Variants in KIF6 observed in about 807,000 individuals in gnomAD.
KIF6 encodes kinesin-like protein KIF6.
Under a neutral mutation model 112.7 loss-of-function variants are expected in KIF6, and 106 were observed. The observed-to-expected ratio is 0.94, with a 90% CI of 0.80 to 1.11. KIF6 has a LOEUF of 1.11. Ranked by LOEUF, KIF6 falls within the 50% of genes least tolerant of loss-of-function variation. The probability of loss-of-function intolerance (pLI) is 0.00; values close to 1 mark genes in which losing one functional copy is unlikely to be tolerated. For synonymous variants in KIF6, 339 were observed against 339.9 expected, an observed-to-expected ratio of 1.00 and a Z score of 0.03; for missense variants, 929 against 964.0, an observed-to-expected ratio of 0.96 and a Z score of 0.48.
intron 16 of KIF6, among the ~76,000 whole-genome samples, chr6:39,367,176 A>G (rs1445080019): frequency 2.0e-5 from 3 of 152,178 alleles, no homozygotes; most frequent in Non-Finnish European, 4.4e-5. Flanking sequence ...ATATGTTCTG[A>G]GGCTTGGCTC....
Position 39,412,841 on chromosome 6 carries a change from T to C in KIF6, c.1810+7107A>G, listed in dbSNP as rs527553478. Among the ~76,000 whole-genome samples the C allele has an allele frequency of 3.4e-3, 520 of 152,302 alleles. 2 individuals are homozygous for C. Among genetic ancestry groups the C allele is most frequent in the African/African-American group, 0.012 (504 of 41,550 alleles). On this transcript the variant is annotated intron_variant, in intron 15 of 22. Transcript: ENST00000287152. The stretch of plus-strand genomic sequence containing the variant: ...GTTCCTTTTTGTGGTCCAGCGTGGC[T>C]GGGTGCTGTCTCTTAGGGGGGGCTT...
chr6:39,679,504 C>T (rs1002402711), intron 3 of KIF6, among the ~76,000 whole-genome samples: 6 of 152,064 alleles, frequency 3.9e-5, no homozygotes, highest in African/African-American at 1.2e-4. Flanking sequence ...GGCTTTTGAA[C>T]ATGTCATTCT....
At chr6:39,377,850 A>C (rs1227484151) in intron 16 of KIF6, among the ~76,000 whole-genome samples, 1 of 152,026 alleles carries the variant, frequency 6.6e-6, no homozygotes, top group Non-Finnish European at 1.5e-5. Flanking sequence ...ACGTGGCATC[A>C]CAGTCGAATG....
At chr6:39,712,926 A>G (rs1375307116) in intron 3 of KIF6, among the ~76,000 whole-genome samples, 2 of 152,244 alleles carry the variant, frequency 1.3e-5, no homozygotes, top group Non-Finnish European at 2.9e-5. Flanking sequence ...CGTTGCGCAC[A>G]TGTACCCTAG....
At chr6:39,492,842 T>C (rs936436527) in intron 13 of KIF6, among the ~76,000 whole-genome samples, 18 of 152,230 alleles carry the variant, frequency 1.2e-4, no homozygotes, top group Non-Finnish European at 2.4e-4. Context: ...AGCCTGATGC[T>C]TTCTGCAAGC....
rs773386346 is a variant in KIF6 at position 39,431,102 on chromosome 6, G to A, written c.1705C>T (p.His569Tyr). ...TCATCGATGGTAACGCTGTCAGCGT[G>A]GTCCCTCTTGAAGATTTCAAAAGCC... Reference protein sequence around the residue: ...QEAFEIFKRDHADSVTIDDNK... With the variant: ...QEAFEIFKRDYADSVTIDDNK... The change falls in exon 14 of 23, where the codon CAC becomes TAC. Residue 569 changes from histidine to tyrosine, a missense_variant. His to Tyr is a moderately conservative substitution (Grantham distance 83). Around this residue, in one of 2 missense-constraint regions of KIF6, gnomAD observed 241 missense variants for 301.4 expected, o/e 0.80. Coordinates refer to ENST00000287152, the MANE Select transcript of KIF6 (RefSeq NM_145027.6). The A allele has an allele frequency of 6.2e-7, 1 of 1,613,476 alleles. No homozygotes were observed. Among genetic ancestry groups the A allele is most frequent in the Admixed American group, 1.7e-5 (1 of 60,004 alleles).
intron 7 of KIF6, among the ~76,000 whole-genome samples, chr6:39,587,894 T>C (rs1383408292): frequency 1.3e-5 from 2 of 152,190 alleles, no homozygotes; most frequent in African/African-American, 4.8e-5. Flanking sequence ...CTAAGATGGC[T>C]CTTGCCAAGG....
rs61215070 is a variant in KIF6 at position 39,584,417 on chromosome 6, T to TAAAAAAAA, written c.1077+473_1077+480dup. Among the ~76,000 whole-genome samples the TAAAAAAAA allele has an allele frequency of 2.6e-4, 12 of 46,054 alleles. 1 individual carries two copies. The highest frequency in any genetic ancestry group is 5.6e-4 in the Non-Finnish European group (9 of 16,106). The allele number at this position is 46,054 out of a possible 152,430, so 30.2% of individuals were successfully genotyped here. On this transcript the variant is annotated intron_variant, in intron 9 of 22. Coordinates refer to ENST00000287152, the MANE Select transcript of KIF6 (RefSeq NM_145027.6). The stretch of plus-strand genomic sequence containing the variant: ...TCCAGCCTGAGCAAGACTCTGTCTC[T>TAAAAAAAA]AAAAAAAAAAAAAAAAAAAAAAAAA...
intron 10 of KIF6, among the ~76,000 whole-genome samples, chr6:39,553,276 G>A (rs1375150357): frequency 6.6e-6 from 1 of 152,176 alleles, no homozygotes; most frequent in Admixed American, 6.5e-5. Context: ...TTTTGGTGAT[G>A]CAGAGGAAAT....
At chr6:39,719,105 G>C (rs969361895) in intron 2 of KIF6, among the ~76,000 whole-genome samples, 3 of 152,192 alleles carry the variant, frequency 2.0e-5, no homozygotes, top group Non-Finnish European at 4.4e-5. Flanking sequence ...GATCACTTGA[G>C]ATCAGAAGTT....
At chr6:39,376,457 T>A (rs1177771619) in intron 16 of KIF6, among the ~76,000 whole-genome samples, 1 of 152,234 alleles carries the variant, frequency 6.6e-6, no homozygotes, top group African/African-American at 2.4e-5. Flanking sequence ...TGCCCGGCAC[T>A]GGGCTATCAT....
chr6:39,536,355 A>C (rs1223182672), intron 13 of KIF6, among the ~76,000 whole-genome samples: 1 of 152,244 alleles, frequency 6.6e-6, no homozygotes, highest in Non-Finnish European at 1.5e-5. Flanking sequence ...ATAATCAAAT[A>C]GATGCAATAA....
In KIF6 at chr6:39,725,365, A is replaced by T. The variant is rs1490081611; in HGVS notation, c.-55T>A. On this transcript the variant is annotated 5_prime_UTR_variant, in exon 1 of 23. Coordinates refer to ENST00000287152, the MANE Select transcript of KIF6 (RefSeq NM_145027.6). ...CCTCTCTCAGGCCCGGGCTGCCAAA[A>T]CTAACTCCCACCACCTCCGGCGACC... 1 of 1,445,288 alleles carries T rather than the reference A, an allele frequency of 6.9e-7. No individual in the cohort carries two copies. The highest frequency in any genetic ancestry group is 1.4e-5 in the African/African-American group (1 of 69,340). 89.5% of individuals were successfully genotyped at this position (1,445,288 alleles called of 1,614,324 possible). A position where few individuals can be genotyped will look rare whatever the true frequency, so the allele number is the denominator to read the frequency against.
chr6:39,399,445 A>G (rs1192563677), intron 15 of KIF6, among the ~76,000 whole-genome samples: 1 of 152,208 alleles, frequency 6.6e-6, no homozygotes, highest in African/African-American at 2.4e-5. Context: ...CGCCTGTCTC[A>G]TCAGGCCAAT....
chr6:39,495,775 C>T (rs1258183463), intron 13 of KIF6, among the ~76,000 whole-genome samples: 1 of 152,192 alleles, frequency 6.6e-6, no homozygotes, highest in Non-Finnish European at 1.5e-5. Flanking sequence ...GAATCCCTCT[C>T]TCACTGAGTT....
At chr6:39,470,182 G>C (rs1161434945) in intron 13 of KIF6, among the ~76,000 whole-genome samples, 2 of 152,174 alleles carry the variant, frequency 1.3e-5, no homozygotes, top group Non-Finnish European at 2.9e-5. Flanking sequence ...TGAGAGTTGG[G>C]ATATCAGGGC....
intron 16 of KIF6, among the ~76,000 whole-genome samples, chr6:39,369,762 A>C (rs956640490): frequency 2.0e-5 from 3 of 152,170 alleles, no homozygotes; most frequent in African/African-American, 7.2e-5. Context: ...CAGGGAAGAC[A>C]TTCCTAATCT....
At chr6:39,626,376 A>C (rs1007815867) in intron 5 of KIF6, among the ~76,000 whole-genome samples, 4 of 152,132 alleles carry the variant, frequency 2.6e-5, no homozygotes, top group Non-Finnish European at 5.9e-5. Context: ...AGAAACCTAG[A>C]AACCACAGTC....
intron 13 of KIF6, among the ~76,000 whole-genome samples, chr6:39,520,823 C>T (rs932661750): frequency 6.6e-6 from 1 of 152,136 alleles, no homozygotes; most frequent in Non-Finnish European, 1.5e-5. Flanking sequence ...TCCCCTCACA[C>T]ACATATACTA....
Sources: gnomAD v4.1 joint callset for allele counts (sites outside exome capture counted in the v4.1 genomes callset) on GRCh38, gnomAD v4.1.1 for gene constraint, gnomAD v4.1.1 regional missense constraint, MANE v1.5 for transcripts, NCBI Gene and HGNC (gene_info 2026-07-23, HGNC 2026-07-21) for gene names.